The following UTRN variants were observed in gnomAD, a reference collection of about 807,000 sequenced individuals.
UTRN encodes utrophin.
Under a neutral mutation model 463.9 loss-of-function variants are expected in UTRN, and 283 were observed. That is an observed-to-expected ratio of 0.61 (90% CI 0.55 to 0.67). The LOEUF (loss-of-function observed/expected upper bound fraction) is 0.67, where lower values mean the gene tolerates loss of function less well. Among genes scored for constraint, UTRN ranks in the 30% least tolerant of loss-of-function variants. UTRN has a pLI of 0.00. For synonymous variants in UTRN, 1,442 were observed against 1,431.5 expected (o/e 1.01, Z -0.17); for missense variants, 3,922 against 4,084.3 (o/e 0.96, Z 1.08).
chr6:144,364,963 A>G (rs1041216426), intron 2 of UTRN, among the ~76,000 whole-genome samples: 4 of 152,208 alleles, frequency 2.6e-5, no homozygotes, highest in Non-Finnish European at 5.9e-5. Context: ...CACCAGGCTA[A>G]CCCAAGATAA....
intron 60 of UTRN, among the ~76,000 whole-genome samples, chr6:144,777,161 G>A (rs1203015109): frequency 1.3e-5 from 2 of 152,162 alleles, no homozygotes; most frequent in Non-Finnish European, 2.9e-5. Flanking sequence ...CTGAGTGAAT[G>A]ATTTGAGTTT....
intron 54 of UTRN, among the ~76,000 whole-genome samples, chr6:144,731,666 G>GTA (rs1788536428): frequency 6.6e-6 from 1 of 152,158 alleles, no homozygotes; most frequent in South Asian, 2.1e-4. Flanking sequence ...GAAACTAGTT[G>GTA]TATATATGTG....
At position 144,575,897 on chromosome 6, in the gene UTRN, A is replaced by T. The variant is rs368037101; in HGVS notation, c.7290-1202A>T. The stretch of plus-strand genomic sequence containing the variant: ...TCCTCCAAAGAAACCCCATACCATT[A>T]GTAGTCAGCCTCCATTGTCCTCCAC... On this transcript the variant is annotated intron_variant, in intron 50 of 74. Coordinates refer to ENST00000367545, the MANE Select transcript of UTRN (RefSeq NM_007124.3). Among the ~76,000 whole-genome samples the T allele has an allele frequency of 1.1e-4, 17 of 152,294 alleles. No individual in the cohort carries two copies. In the South Asian group the frequency reaches 1.2e-3, roughly 11 times the overall value.
chr6:144,301,532 CTTTCTTT>C (rs1486506612), intron 2 of UTRN, among the ~76,000 whole-genome samples: 1 of 117,786 alleles, frequency 8.5e-6, no homozygotes, highest in African/African-American at 3.6e-5. Context: ...ATCTTTCTTT[CTTTCTTT>C]TTTTTTTTTT....
At chr6:144,506,295 C>T (rs1011792598) in intron 34 of UTRN, among the ~76,000 whole-genome samples, 1 of 152,056 alleles carries the variant, frequency 6.6e-6, no homozygotes, top group African/African-American at 2.4e-5. Context: ...GAATTTGATC[C>T]TGTCATTATG....
At chr6:144,636,415 G>A (rs1429303660) in intron 51 of UTRN, among the ~76,000 whole-genome samples, 1 of 152,094 alleles carries the variant, frequency 6.6e-6, no homozygotes, top group Admixed American at 6.5e-5. Context: ...AGGGGAGGGA[G>A]AGCATTAGGA....
intron 41 of UTRN, among the ~76,000 whole-genome samples, chr6:144,526,411 A>G (rs1232961360): frequency 3.3e-5 from 5 of 152,146 alleles, no homozygotes; most frequent in Non-Finnish European, 1.5e-5. Context: ...CTGTTGGACT[A>G]GTCTTTTTAT....
chr6:144,525,425 T>C (rs1796483236), intron 41 of UTRN, among the ~76,000 whole-genome samples: 2 of 152,142 alleles, frequency 1.3e-5, no homozygotes, highest in African/African-American at 4.8e-5. Context: ...GGGTTGTATA[T>C]TTCCAGGAAT....
At chr6:144,389,300 A>C (rs767088539) in intron 2 of UTRN, among the ~76,000 whole-genome samples, 8 of 152,174 alleles carry the variant, frequency 5.3e-5, no homozygotes, top group Non-Finnish European at 1.2e-4. Flanking sequence ...TGACTGAATA[A>C]AACGGGAGGC....
intron 52 of UTRN, 117 bp downstream of exon 52, chr6:144,678,695 T>A: frequency 1.0e-6 from 1 of 994,636 alleles, no homozygotes; most frequent in Non-Finnish European, 1.4e-6. Context: ...TCATCAGAAA[T>A]AGTTTAAGAT....
In UTRN at chr6:144,647,828, T is replaced by C. The variant is rs149870466; in HGVS notation, c.7480-30578T>C. On this transcript the variant is annotated intron_variant, in intron 51 of 74. Transcript: ENST00000367545. ...GGATAGTTCAAAATGGAAGCTCCTG[T>C]AAAATAATACTTTCATATGTATTTT... Among the ~76,000 whole-genome samples the C allele has an allele frequency of 4.6e-3, 705 of 152,366 alleles. 3 individuals are homozygous for C. The highest frequency in any genetic ancestry group is 7.7e-3 in the Non-Finnish European group (526 of 68,038).
Position 144,514,638 on chromosome 6 carries a change from T to C in UTRN, c.5074-12T>C, listed in dbSNP as rs750869270. Reference sequence around the variant, plus strand: ...TTTCCCATGAGATAATTTTGTGTTTTCTTATAATTAGCGTTTAGTATCTGA... The same window carrying C: ...TTTCCCATGAGATAATTTTGTGTTTCCTTATAATTAGCGTTTAGTATCTGA... On this transcript the variant is annotated splice_polypyrimidine_tract_variant and intron_variant, in intron 36 of 74. Coordinates refer to ENST00000367545, the MANE Select transcript of UTRN (RefSeq NM_007124.3). 6 of 1,611,092 alleles carry C rather than the reference T, an allele frequency of 3.7e-6. No homozygotes were observed. Among genetic ancestry groups the C allele is most frequent in the Non-Finnish European group, 5.1e-6 (6 of 1,178,946 alleles).
intron 25 of UTRN, among the ~76,000 whole-genome samples, chr6:144,476,350 T>A (rs1791197460): frequency 6.6e-6 from 1 of 151,836 alleles, no homozygotes; most frequent in Non-Finnish European, 1.5e-5. Flanking sequence ...AGAGAGAGGA[T>A]GGACCCATAC....
At chr6:144,539,249 T>C (rs1797796245) in intron 44 of UTRN, 45 bp from the exon 45 acceptor site, 1 of 1,510,498 alleles carries the variant, frequency 6.6e-7, no homozygotes, top group South Asian at 1.4e-5. Context: ...GAATTTTCCC[T>C]TATCTGACTA....
chr6:144,751,770 G>A (rs199520030), intron 55 of UTRN, 36 bp from the exon 56 acceptor site: 20 of 1,557,872 alleles, frequency 1.3e-5, no homozygotes, highest in East Asian at 6.9e-5. Flanking sequence ...TGTTATATTC[G>A]TTTCCAATAA....
chr6:144,323,014 G>T (rs1287130960), intron 2 of UTRN, among the ~76,000 whole-genome samples: 2 of 152,084 alleles, frequency 1.3e-5, no homozygotes, highest in African/African-American at 4.8e-5. Context: ...TGTACCTGGG[G>T]ACTCCATCCA....
intron 19 of UTRN, among the ~76,000 whole-genome samples, chr6:144,455,346 T>C (rs1788713836): frequency 6.6e-6 from 1 of 152,228 alleles, no homozygotes; most frequent in South Asian, 2.1e-4. Flanking sequence ...GGTTACTCTT[T>C]CCAGTATTTA....
At chr6:144,413,641 T>A (rs998846669) in intron 3 of UTRN, among the ~76,000 whole-genome samples, 1 of 152,154 alleles carries the variant, frequency 6.6e-6, no homozygotes, top group African/African-American at 2.4e-5. Context: ...AGCCAAACTG[T>A]GTCATCAGGT....
chr6:144,621,192 T>C (rs1775334155), intron 51 of UTRN, among the ~76,000 whole-genome samples: 1 of 152,202 alleles, frequency 6.6e-6, no homozygotes, highest in Non-Finnish European at 1.5e-5. Flanking sequence ...CGCCTATTTG[T>C]AATATTCATT....
Sources: gnomAD v4.1 joint callset for allele counts (sites outside exome capture counted in the v4.1 genomes callset) on GRCh38, gnomAD v4.1.1 for gene constraint, MANE v1.5 for transcripts, NCBI Gene and HGNC (gene_info 2026-07-23, HGNC 2026-07-21) for gene names.